The following MTFR1 variants were observed in gnomAD, a reference collection of about 807,000 sequenced individuals.
MTFR1 encodes the protein chondrocyte protein with a poly-proline region.
MTFR1 carries 28 observed loss-of-function variants against 38.8 expected under a neutral mutation model. The observed-to-expected ratio is 0.72, with a 90% CI of 0.53 to 0.99. The LOEUF (loss-of-function observed/expected upper bound fraction) is 0.99, where lower values mean the gene tolerates loss of function less well. MTFR1 is among the 50% of genes least tolerant of loss of function. The probability of loss-of-function intolerance (pLI) is 0.00; values close to 1 mark genes in which losing one functional copy is unlikely to be tolerated. For missense variants in MTFR1, 358 were observed against 395.5 expected (o/e 0.91, Z 0.81); for synonymous variants, 145 against 137.0 (o/e 1.06, Z -0.41).
intron 4 of MTFR1, among the ~76,000 whole-genome samples, chr8:65,701,366 C>T (rs1805607779): frequency 6.6e-6 from 1 of 152,176 alleles, no homozygotes; most frequent in East Asian, 1.9e-4. Flanking sequence ...TCTCTGAAGC[C>T]TTTAGTTGAC....
chr8:65,693,624 T>C lies in MTFR1; in HGVS notation c.166-20T>C. The stretch of plus-strand genomic sequence containing the variant: ...TGGTGCCATCTTTGGTGAAGAACTT[T>C]CCCTATTTATAACTTACAGATTAAC... On this transcript the variant is annotated intron_variant, in intron 3 of 7. Transcript: ENST00000262146. The C allele has an allele frequency of 1.9e-6, 3 of 1,603,504 alleles. No homozygotes were observed. The highest frequency in any genetic ancestry group is 2.2e-5 in the South Asian group (2 of 90,642).
downstream of MTFR1, among the ~76,000 whole-genome samples, chr8:65,713,972 G>A: frequency 6.6e-6 from 1 of 151,926 alleles, no homozygotes; most frequent in Non-Finnish European, 1.5e-5. Flanking sequence ...ATGGATGTGA[G>A]CCACCACACC....
chr8:65,770,672 C>T (rs1362231381), intron 3 of MTFR1, among the ~76,000 whole-genome samples: 2 of 152,206 alleles, frequency 1.3e-5, no homozygotes, highest in Non-Finnish European at 1.5e-5. Flanking sequence ...TGTCTTTGCA[C>T]ATACATTAAC....
intron 3 of MTFR1, among the ~76,000 whole-genome samples, chr8:65,729,573 T>G (rs1161481599): frequency 6.6e-6 from 1 of 152,046 alleles, no homozygotes; most frequent in African/African-American, 2.4e-5. Context: ...GAAAACAGAT[T>G]CTATTTTTTT....
intron 4 of MTFR1, among the ~76,000 whole-genome samples, chr8:65,699,520 A>G (rs1308044503): frequency 6.6e-6 from 1 of 152,198 alleles, no homozygotes; most frequent in Non-Finnish European, 1.5e-5. Context: ...GGGCAGGGCC[A>G]TAAAGCTCCC....
intron 3 of MTFR1, among the ~76,000 whole-genome samples, chr8:65,741,139 C>T (rs1449933625): frequency 3.3e-5 from 5 of 152,150 alleles, no homozygotes; most frequent in Non-Finnish European, 7.3e-5. Flanking sequence ...TTGTAAACTT[C>T]CATAGGACAC....
At chr8:65,721,540 T>C (rs1224640026) in intron 3 of MTFR1, among the ~76,000 whole-genome samples, 1 of 152,084 alleles carries the variant, frequency 6.6e-6, no homozygotes, top group African/African-American at 2.4e-5. Context: ...ATGTCAACAA[T>C]CACCATCAGA....
At chr8:65,676,323 T>C (rs560448262) in intron 2 of MTFR1, among the ~76,000 whole-genome samples, 9 of 152,350 alleles carry the variant, frequency 5.9e-5, no homozygotes, top group Non-Finnish European at 1.2e-4. Context: ...TCTGCATTAA[T>C]GCATTAATAT....
intron 3 of MTFR1, among the ~76,000 whole-genome samples, chr8:65,742,060 A>G (rs975318059): frequency 2.6e-5 from 4 of 152,278 alleles, no homozygotes; most frequent in African/African-American, 9.6e-5. Flanking sequence ...ACAAGTCAAC[A>G]AAATATTTCA....
At chr8:65,703,754 T>A (rs1805694043) in intron 4 of MTFR1, among the ~76,000 whole-genome samples, 1 of 152,122 alleles carries the variant, frequency 6.6e-6, no homozygotes, top group African/African-American at 2.4e-5. Flanking sequence ...TTTTTGTTTT[T>A]GTATTTGTTT....
At chr8:65,738,316 T>C (rs1036126089) in intron 3 of MTFR1, among the ~76,000 whole-genome samples, 3 of 152,222 alleles carry the variant, frequency 2.0e-5, no homozygotes, top group Admixed American at 6.5e-5. Context: ...CTGGGCACTA[T>C]ATGAAATATC....
At chr8:65,745,471 C>T (rs1385226064) in intron 3 of MTFR1, 2 of 1,529,636 alleles carry the variant, frequency 1.3e-6, no homozygotes, top group African/African-American at 1.4e-5. Context: ...CCAGCATACA[C>T]TGAAATGAAA....
intron 3 of MTFR1, chr8:65,689,603 A>G (rs1358797439): frequency 3.1e-6 from 4 of 1,273,724 alleles, no homozygotes; most frequent in Admixed American, 5.0e-5. Context: ...ACCTTCAGTA[A>G]GTTGTCCTTT....
chr8:65,775,245 C>G (rs1208429247), downstream of MTFR1, among the ~76,000 whole-genome samples: 3 of 152,102 alleles, frequency 2.0e-5, no homozygotes, highest in African/African-American at 7.2e-5. Context: ...TTACAGAGTT[C>G]TACTTTTATT....
chr8:65,727,315 A>G (rs1437889375), intron 3 of MTFR1: 3 of 1,612,290 alleles, frequency 1.9e-6, no homozygotes, highest in African/African-American at 2.7e-5. Context: ...AAGTGTGACA[A>G]AAGAATAATG....
intron 3 of MTFR1, among the ~76,000 whole-genome samples, chr8:65,739,112 C>T (rs1053080920): frequency 7.9e-5 from 12 of 152,192 alleles, no homozygotes; most frequent in South Asian, 2.1e-4. Context: ...TGAACCAGCT[C>T]GGCTAATTGT....
intron 1 of MTFR1, among the ~76,000 whole-genome samples, chr8:65,667,346 G>GTTT (rs146242871): frequency 1.5e-3 from 212 of 145,014 alleles, no homozygotes; most frequent in African/African-American, 2.7e-3. Context: ...TGTGTATACT[G>GTTT]TTTTTTTTTT....
At chr8:65,653,651 A>G (rs1809180165) in intron 1 of MTFR1, among the ~76,000 whole-genome samples, 1 of 152,260 alleles carries the variant, frequency 6.6e-6, no homozygotes, top group African/African-American at 2.4e-5. Context: ...AAGGGTTCCC[A>G]AAGTTTATAT....
At chr8:65,655,951 A>ATATATATATATATAT (rs1377063247) in intron 1 of MTFR1, among the ~76,000 whole-genome samples, 8 of 55,404 alleles carry the variant, frequency 1.4e-4, no homozygotes, top group Admixed American at 1.1e-3. Flanking sequence ...TAAAAAAAAA[A>ATATATATATATATAT]ATATATATAT....
Sources: allele counts gnomAD v4.1 joint callset (sites outside exome capture counted in the v4.1 genomes callset), GRCh38; gene constraint gnomAD v4.1.1; transcripts MANE v1.5; gene names NCBI Gene and HGNC (gene_info 2026-07-23, HGNC 2026-07-21).